The following TIPRL variants were observed in gnomAD, a reference collection of about 807,000 sequenced individuals.
The protein encoded by TIPRL is TIP41-like protein.
TIPRL carries 10 observed loss-of-function variants against 32.3 expected under a neutral mutation model. The observed-to-expected ratio is 0.31, with a 90% CI of 0.19 to 0.52. The LOEUF (loss-of-function observed/expected upper bound fraction) is 0.52, where lower values mean the gene tolerates loss of function less well. Ranked by LOEUF, TIPRL falls within the 20% of genes least tolerant of loss-of-function variation. TIPRL has a pLI of 0.96. For synonymous variants in TIPRL, 100 were observed against 114.0 expected (o/e 0.88, Z 0.78); for missense variants, 250 against 328.1 (o/e 0.76, Z 1.84).
rs1558166995 is a variant in TIPRL at position 168,200,348 on chromosome 1, C to A, written c.*302C>A. 9.2e-6 allele frequency: 2 copies of A among 218,308 alleles called. No individual in the cohort carries two copies. The allele number at this position is 218,308 out of a possible 1,614,324, so 13.5% of individuals were successfully genotyped here. Reference sequence around the variant, plus strand: ...GTGTCTCATGAGCAGTGAGCACAGTCTGCATTCATCATGAAACACTATCTT... The same window carrying A: ...GTGTCTCATGAGCAGTGAGCACAGTATGCATTCATCATGAAACACTATCTT... On this transcript the variant is annotated 3_prime_UTR_variant, in exon 7 of 7. Transcript: ENST00000367833.
chr1:168,195,556 G>A (rs768749613), intron 4 of TIPRL, among the ~76,000 whole-genome samples: 8 of 152,140 alleles, frequency 5.3e-5, no homozygotes, highest in African/African-American at 9.7e-5. Context: ...TTCAGCAAAT[G>A]GCCAAGCATA....
chr1:168,198,227 T>G (rs1359058940), intron 5 of TIPRL, among the ~76,000 whole-genome samples: 1 of 152,156 alleles, frequency 6.6e-6, no homozygotes, highest in East Asian at 1.9e-4. Flanking sequence ...TGATCACTGA[T>G]GATTTATACT....
chr1:168,187,924 A>G (rs1027247903), intron 3 of TIPRL, among the ~76,000 whole-genome samples: 2 of 152,146 alleles, frequency 1.3e-5, no homozygotes. Context: ...GTGAGCTGTG[A>G]TTGTGCCACT....
rs1700195370 is a variant in TIPRL, at chr1:168,200,198, G to T, written c.*152G>T. On this transcript the variant is annotated 3_prime_UTR_variant, in exon 7 of 7. Coordinates refer to ENST00000367833, the MANE Select transcript of TIPRL (RefSeq NM_152902.5). ...AAAAAATAAAGATCGTTACAGGCAGGTTTCACTCAACTGCTGTTTGTACTG... is the reference window on the plus strand; with the variant it reads ...AAAAAATAAAGATCGTTACAGGCAGTTTTCACTCAACTGCTGTTTGTACTG... 4 of 763,598 alleles carry T rather than the reference G, an allele frequency of 5.2e-6. No individual in the cohort carries two copies. The African/African-American group carries it at 5.4e-5, about 10-fold the overall frequency. 47.3% of individuals were successfully genotyped at this position (763,598 alleles called of 1,614,324 possible).
In TIPRL at chr1:168,200,048, A is replaced by T; in HGVS notation, c.*2A>T. 1 of 1,612,836 alleles carries T rather than the reference A, an allele frequency of 6.2e-7. No individual in the cohort carries two copies. The highest frequency in any genetic ancestry group is 8.5e-7 in the Non-Finnish European group (1 of 1,179,526). ...CAAAAAAGTACACAAGTGGAATAAA[A>T]TGTGATACAACATATACTCACTATG... is the stretch of plus-strand genomic sequence containing the variant. On this transcript the variant is annotated 3_prime_UTR_variant, in exon 7 of 7. Transcript: ENST00000367833.
In TIPRL at chr1:168,179,028, G is replaced by T; in HGVS notation, c.-50G>T. The T allele has an allele frequency of 6.5e-7, 1 of 1,536,118 alleles. No homozygotes were observed. Among genetic ancestry groups the T allele is most frequent in the Non-Finnish European group, 8.9e-7 (1 of 1,120,828 alleles). On this transcript the variant is annotated 5_prime_UTR_variant, in exon 1 of 7. Coordinates refer to ENST00000367833, the MANE Select transcript of TIPRL (RefSeq NM_152902.5). ...GGCGGAGGAACCGGTGTTCGCCGCC[G>T]CCGCTGCTTCAGCTTATTCCTTGTG...
intron 3 of TIPRL, among the ~76,000 whole-genome samples, chr1:168,186,160 T>C (rs1195683330): frequency 2.0e-5 from 3 of 150,816 alleles, no homozygotes; most frequent in Non-Finnish European, 4.4e-5. Flanking sequence ...TCTTATATTG[T>C]GAAGTTAGCT....
chr1:168,199,845 T>A, intron 6 of TIPRL, 58 bp from the exon 7 acceptor site: 2 of 1,541,180 alleles, frequency 1.3e-6, no homozygotes, highest in Admixed American at 4.0e-5. Context: ...ACCAAAACAT[T>A]TGTAAAAAAT....
At chr1:168,197,013 A>G (rs538720097) in intron 5 of TIPRL, among the ~76,000 whole-genome samples, 42 of 152,314 alleles carry the variant, frequency 2.8e-4, no homozygotes, top group African/African-American at 9.9e-4. Flanking sequence ...GAAGTACATT[A>G]ATATATTAAT....
At chr1:168,197,958 T>G (rs1006809361) in intron 5 of TIPRL, among the ~76,000 whole-genome samples, 2 of 152,230 alleles carry the variant, frequency 1.3e-5, no homozygotes, top group African/African-American at 2.4e-5. Flanking sequence ...ACATGAATAT[T>G]CACAGTAGTA....
At chr1:168,190,364 A>C (rs1700079418) in intron 3 of TIPRL, among the ~76,000 whole-genome samples, 1 of 152,172 alleles carries the variant, frequency 6.6e-6, no homozygotes, top group African/African-American at 2.4e-5. Context: ...CTTTCTTTTC[A>C]TGGCATCTTT....
intron 3 of TIPRL, among the ~76,000 whole-genome samples, chr1:168,190,065 G>T (rs1222667201): frequency 6.6e-6 from 1 of 152,216 alleles, no homozygotes; most frequent in Non-Finnish European, 1.5e-5. Flanking sequence ...TTACAAGTGT[G>T]TGTATTTAAC....
intron 5 of TIPRL, among the ~76,000 whole-genome samples, chr1:168,198,603 T>C (rs991253099): frequency 3.9e-5 from 6 of 152,208 alleles, no homozygotes; most frequent in Non-Finnish European, 4.4e-5. Context: ...GCATATTTCA[T>C]TTATACAAAT....
At chr1:168,199,561 C>T (rs1188231889) in intron 6 of TIPRL, among the ~76,000 whole-genome samples, 1 of 152,110 alleles carries the variant, frequency 6.6e-6, no homozygotes, top group African/African-American at 2.4e-5. Context: ...AAAGTTACTA[C>T]TTAGATTCTA....
intron 5 of TIPRL, among the ~76,000 whole-genome samples, chr1:168,198,367 T>TA (rs1184510683): frequency 6.6e-6 from 1 of 152,106 alleles, no homozygotes; most frequent in Non-Finnish European, 1.5e-5. Context: ...AAGTAAATTA[T>TA]AATAAGTTGC....
rs370017180 is a variant in TIPRL, at chr1:168,179,070, C to T, written c.-8C>T. On this transcript the variant is annotated 5_prime_UTR_variant, in exon 1 of 7. Coordinates refer to ENST00000367833, the MANE Select transcript of TIPRL (RefSeq NM_152902.5). ...TTCCTTGTGGCCTCTGCGGGTCCTG[C>T]CTCAGCCATGATGATCCACGGCTTC... 1.5e-5 allele frequency: 24 copies of T among 1,612,950 alleles called. No individual in the cohort carries two copies. Among genetic ancestry groups the T allele is most frequent in the Non-Finnish European group, 1.7e-5 (20 of 1,179,266 alleles).
In TIPRL at chr1:168,179,007, G is replaced by A. The variant is rs894776645; in HGVS notation, c.-71G>A. On this transcript the variant is annotated 5_prime_UTR_variant, in exon 1 of 7. Transcript: ENST00000367833. ...TAGGAGGCTGGGCCGGAGGGAGGCG[G>A]AGGAACCGGTGTTCGCCGCCGCCGC... 95 of 1,393,992 alleles carry A rather than the reference G, an allele frequency of 6.8e-5. No homozygotes were observed. In the East Asian group the frequency reaches 1.6e-3, roughly 24 times the overall value. 86.4% of individuals were successfully genotyped at this position (1,393,992 alleles called of 1,614,324 possible).
In TIPRL at chr1:168,197,039, C is replaced by T. The variant is rs145382923; in HGVS notation, c.612+397C>T. Among the ~76,000 whole-genome samples the T allele has an allele frequency of 6.0e-3, 914 of 152,268 alleles. 15 individuals carry two copies. The highest frequency in any genetic ancestry group is 0.021 in the African/African-American group (853 of 41,558). ...ATATATTAATCAGGCCAAGGCCGGG[C>T]GCCGTAGCTCACGCCTGTAATCCCG... is the stretch of plus-strand genomic sequence containing the variant. On this transcript the variant is annotated intron_variant, in intron 5 of 6. Coordinates refer to ENST00000367833, the MANE Select transcript of TIPRL (RefSeq NM_152902.5).
At chr1:168,188,828 A>G (rs995329121) in intron 3 of TIPRL, among the ~76,000 whole-genome samples, 2 of 152,152 alleles carry the variant, frequency 1.3e-5, no homozygotes, top group African/African-American at 4.8e-5. Context: ...AAAACACAAA[A>G]AAATTAGCCA....
Sources: allele counts gnomAD v4.1 joint callset (sites outside exome capture counted in the v4.1 genomes callset), GRCh38; gene constraint gnomAD v4.1.1; transcripts MANE v1.5; gene names NCBI Gene and HGNC (gene_info 2026-07-23, HGNC 2026-07-21).